Variants in THRAP3 observed in about 807,000 individuals in gnomAD.
THRAP3 encodes thyroid hormone receptor-associated protein 3.
THRAP3 carries 16 observed loss-of-function variants against 101.0 expected under a neutral mutation model. The observed-to-expected ratio is 0.16, with a 90% CI of 0.11 to 0.24. THRAP3 has a LOEUF of 0.24. Ranked by LOEUF, THRAP3 falls within the 10% of genes least tolerant of loss-of-function variation. THRAP3 has a pLI of 1.00. For synonymous variants in THRAP3, 407 were observed against 422.6 expected (o/e 0.96, Z 0.45); for missense variants, 989 against 1,202.7 (o/e 0.82, Z 2.63).
Position 36,286,693 on chromosome 1 carries a change from A to G in THRAP3, c.463A>G (p.Arg155Gly). The change falls in exon 4 of 12, where the codon AGG becomes GGG. Residue 155 changes from arginine (R) to glycine (G), a missense_variant. By Grantham distance (125) the Arg-to-Gly change is moderately radical (BLOSUM62 -2). Coordinates refer to ENST00000354618, the MANE Select transcript of THRAP3 (RefSeq NM_005119.4). This position sits in a 1 kb window ranked among gnomAD's most constrained non-coding sequence, Gnocchi z 5.5. ...NSDKSSSDRSRRSSSSRSSSN... is the reference protein window; with the variant it reads ...NSDKSSSDRSGRSSSSRSSSN... ...TGATAAGTCGTCTTCTGACCGGTCA[A>G]GGCGCTCCTCATCCTCCCGTTCTTC... 1 of 1,614,182 alleles carries G rather than the reference A, an allele frequency of 6.2e-7. No individual in the cohort carries two copies.
At chr1:36,211,128 A>G in the THRAP3 span, among the ~76,000 whole-genome samples, 3 of 151,498 alleles carry the variant, frequency 2.0e-5, no homozygotes, top group East Asian at 1.9e-4. Flanking sequence ...CAGGAGGATC[A>G]CTTGAGCCCA....
At chr1:36,249,685 A>AGAGTGTGT (rs112896222) in intron 1 of THRAP3, among the ~76,000 whole-genome samples, 3 of 138,114 alleles carry the variant, frequency 2.2e-5, no homozygotes, top group Non-Finnish European at 4.7e-5. Flanking sequence ...GCAGGTGGTG[A>AGAGTGTGT]GTGTGTGTGT....
In THRAP3 at chr1:36,286,433, A is replaced by T; in HGVS notation, c.203A>T (p.Tyr68Phe). ...HNRERNHPRVYQNRDFRGHNR... is the reference protein window; with the variant it reads ...HNRERNHPRVFQNRDFRGHNR... ...AGAGAAAGAAACCACCCAAGAGTATATCAGAATCGGGATTTCCGAGGTCAC... is the reference window on the plus strand; with the variant it reads ...AGAGAAAGAAACCACCCAAGAGTATTTCAGAATCGGGATTTCCGAGGTCAC... Residue 68 changes from tyrosine to phenylalanine, a missense_variant, in exon 4 of 12, where the codon TAT becomes TTT. Coordinates refer to ENST00000354618, the MANE Select transcript of THRAP3 (RefSeq NM_005119.4). The surrounding 1 kb of genome is among the most constrained non-coding windows in gnomAD (Gnocchi z 5.5). The T allele has an allele frequency of 6.2e-7, 1 of 1,614,190 alleles. No homozygotes were observed. Among genetic ancestry groups the T allele is most frequent in the Non-Finnish European group, 8.5e-7 (1 of 1,180,022 alleles).
chr1:36,248,904 C>T (rs376041799), intron 1 of THRAP3, among the ~76,000 whole-genome samples: 6 of 144,032 alleles, frequency 4.2e-5, no homozygotes, highest in African/African-American at 1.3e-4. Context: ...TTCTTTCTTT[C>T]TTTTTTTTTT....
At chr1:36,300,824 C>A in intron 9 of THRAP3, 62 bp from the exon 10 acceptor site, 1 of 1,547,302 alleles carries the variant, frequency 6.5e-7, no homozygotes, top group Non-Finnish European at 8.9e-7. Flanking sequence ...ATCCATGAGG[C>A]CCCAGCCAAG....
chr1:36,245,673 G>A (rs543246296), intron 1 of THRAP3, among the ~76,000 whole-genome samples: 4 of 152,294 alleles, frequency 2.6e-5, no homozygotes, highest in African/African-American at 9.6e-5. Context: ...CATTTGCAGA[G>A]ATAAAGTTTA....
intron 2 of THRAP3, among the ~76,000 whole-genome samples, chr1:36,268,675 T>C (rs541590587): frequency 6.6e-6 from 1 of 152,110 alleles, no homozygotes; most frequent in Non-Finnish European, 1.5e-5. Flanking sequence ...GGAGAGAAAC[T>C]TCTTAATGAC....
At chr1:36,266,249 G>A (rs1645513409) in intron 2 of THRAP3, among the ~76,000 whole-genome samples, 1 of 151,694 alleles carries the variant, frequency 6.6e-6, no homozygotes, top group African/African-American at 2.4e-5. Context: ...AGCCCAAGAT[G>A]CAGAGGTTGC....
At chr1:36,280,677 A>C (rs1403572823) in intron 2 of THRAP3, among the ~76,000 whole-genome samples, 1 of 152,198 alleles carries the variant, frequency 6.6e-6, no homozygotes, top group Non-Finnish European at 1.5e-5. Context: ...TAGCTTTGTG[A>C]TCTTTGATAG....
At chr1:36,222,879 A>G (rs1350138078), upstream of THRAP3, among the ~76,000 whole-genome samples, 1 of 152,142 alleles carries the variant, frequency 6.6e-6, no homozygotes, top group African/African-American at 2.4e-5. Flanking sequence ...CTGTAATCCC[A>G]GCACTTTGGA....
chr1:36,223,332 A>G (rs1003800290), upstream of THRAP3, among the ~76,000 whole-genome samples: 1 of 152,164 alleles, frequency 6.6e-6, no homozygotes, highest in African/African-American at 2.4e-5. Context: ...TCTCTTAGGA[A>G]GAGCATTAGA....
At chr1:36,225,998 G>C (rs1359969844) in intron 1 of THRAP3, among the ~76,000 whole-genome samples, 3 of 152,178 alleles carry the variant, frequency 2.0e-5, no homozygotes, top group Admixed American at 6.5e-5. Flanking sequence ...CAATTTTGGA[G>C]ACTGATGTTT....
intron 1 of THRAP3, among the ~76,000 whole-genome samples, chr1:36,228,061 T>TC (rs1644982451): frequency 6.8e-6 from 1 of 147,814 alleles, no homozygotes; most frequent in Non-Finnish European, 1.5e-5. Flanking sequence ...TTTTTTTTTT[T>TC]CTGTTGGTGG....
At chr1:36,301,734 C>T in intron 11 of THRAP3, 38 bp downstream of exon 11, 1 of 1,586,162 alleles carries the variant, frequency 6.3e-7, no homozygotes, top group Non-Finnish European at 8.6e-7. Flanking sequence ...GTTAGAGGGC[C>T]TTTGACACAC....
intron 2 of THRAP3, among the ~76,000 whole-genome samples, chr1:36,279,685 T>C (rs919729078): frequency 2.6e-5 from 4 of 152,240 alleles, no homozygotes; most frequent in Non-Finnish European, 5.9e-5. Context: ...CTCTGACTTC[T>C]TATTAGTTTC....
chr1:36,211,575 T>C, the THRAP3 span, among the ~76,000 whole-genome samples: 531 of 152,134 alleles, frequency 3.5e-3, 3 homozygotes, highest in African/African-American at 0.012. Context: ...CTGAGATTAC[T>C]CCAATATCAA....
rs149795002 is a variant in THRAP3 at position 36,259,641 on chromosome 1, C to G, written c.-32+157C>G. On this transcript the variant is annotated intron_variant, in intron 2 of 11. Coordinates refer to ENST00000354618, the MANE Select transcript of THRAP3 (RefSeq NM_005119.4). The stretch of plus-strand genomic sequence containing the variant: ...TTTAACCAGGCCTGGTGATACACAT[C>G]TGTGGTCCCAGCTACTTGGGAGGCT... 1.8e-3 allele frequency among the ~76,000 whole-genome samples: 269 copies of G among 152,028 alleles called. 1 individual carries two copies. The East Asian group carries it at 0.03, about 17-fold the overall frequency.
Position 36,303,987 on chromosome 1 carries a change from G to T in THRAP3, c.2838G>T (p.Glu946Asp), listed in dbSNP as rs748416321. The part of the protein sequence containing the change: ...DDESGTENRE[E>D]KDNIQPTTE Reference sequence around the variant, plus strand: ...AGAGTGGGACAGAGAACCGAGAAGAGAAGGACAATATACAGCCCACAACCG... The same window carrying T: ...AGAGTGGGACAGAGAACCGAGAAGATAAGGACAATATACAGCCCACAACCG... Residue 946 changes from glutamate to aspartate, a missense_variant, in exon 12 of 12, where the codon GAG becomes GAT. Physicochemically the swap from Glu to Asp is conservative, Grantham distance 45. Transcript: ENST00000354618. The T allele has an allele frequency of 4.4e-6, 7 of 1,595,444 alleles. No homozygotes were observed. The highest frequency in any genetic ancestry group is 6.0e-6 in the Non-Finnish European group (7 of 1,171,388).
rs1458101068 is a variant in THRAP3 at position 36,286,967 on chromosome 1, A to G, written c.737A>G (p.Glu246Gly). 6.2e-7 allele frequency: 1 copy of G among 1,614,176 alleles called. No individual in the cohort carries two copies. The highest frequency in any genetic ancestry group is 8.5e-7 in the Non-Finnish European group (1 of 1,180,030). ...ASAVSELSPR[E>G]RSPALKSPLQ... ...GCAGTTTCTGAGCTGAGTCCTCGGG[A>G]GCGAAGCCCAGCTCTCAAAAGCCCC... The change falls in exon 4 of 12, where the codon GAG becomes GGG. Residue 246 changes from glutamate (E) to glycine (G), a missense_variant. Transcript: ENST00000354618. This position sits in a 1 kb window ranked among gnomAD's most constrained non-coding sequence, Gnocchi z 5.5.
Sources: gnomAD v4.1 joint callset for allele counts (sites outside exome capture counted in the v4.1 genomes callset) on GRCh38, gnomAD v4.1.1 for gene constraint, Gnocchi (gnomAD v3.1) non-coding constraint, MANE v1.5 for transcripts, NCBI Gene and HGNC (gene_info 2026-07-23, HGNC 2026-07-21) for gene names.